Variants in ARHGAP26 observed in about 807,000 individuals in gnomAD.
The protein encoded by ARHGAP26 is rho GTPase-activating protein 26.
Under a neutral mutation model 104.8 loss-of-function variants are expected in ARHGAP26, and 38 were observed. That is an observed-to-expected ratio of 0.36 (90% CI 0.28 to 0.48). The LOEUF is 0.48. Among genes scored for constraint, ARHGAP26 ranks in the 20% least tolerant of loss-of-function variants. ARHGAP26 has a pLI of 0.99. For synonymous variants in ARHGAP26, 341 were observed against 340.0 expected (o/e 1.00, Z -0.03); for missense variants, 704 against 947.9 (o/e 0.74, Z 3.38).
At chr5:142,951,019 C>G (rs1006265514) in intron 11 of ARHGAP26, among the ~76,000 whole-genome samples, 9 of 145,770 alleles carry the variant, frequency 6.2e-5, no homozygotes, top group Non-Finnish European at 1.2e-4. Flanking sequence ...TTCCCTTTCC[C>G]TTTCTCTTTC....
At chr5:142,795,023 A>G (rs546991628) in intron 1 of ARHGAP26, among the ~76,000 whole-genome samples, 47 of 151,496 alleles carry the variant, frequency 3.1e-4, no homozygotes, top group Admixed American at 7.9e-4. Context: ...TGCGCCACAT[A>G]GTGTCTCTGT....
chr5:142,890,681 G>A (rs2152422625), intron 5 of ARHGAP26, among the ~76,000 whole-genome samples: 1 of 152,228 alleles, frequency 6.6e-6, no homozygotes, highest in Non-Finnish European at 1.5e-5. Flanking sequence ...GGTAGAGCAG[G>A]AAGTGAGACC....
chr5:143,115,258 A>G (rs954549393), intron 17 of ARHGAP26, among the ~76,000 whole-genome samples: 3 of 151,898 alleles, frequency 2.0e-5, no homozygotes, highest in African/African-American at 7.3e-5. Context: ...GCTTGAACCC[A>G]GGAGGCGGAG....
At chr5:143,092,543 T>TCC (rs59464424) in intron 17 of ARHGAP26, among the ~76,000 whole-genome samples, 8 of 148,898 alleles carry the variant, frequency 5.4e-5, no homozygotes, top group Middle Eastern at 3.2e-3. Context: ...ACATAAATTC[T>TCC]CCCCCCCCCA....
At chr5:143,219,431 C>T (rs992594404) in intron 22 of ARHGAP26, among the ~76,000 whole-genome samples, 7 of 152,108 alleles carry the variant, frequency 4.6e-5, no homozygotes, top group Non-Finnish European at 7.3e-5. Context: ...CAAACCAAAA[C>T]GCACTGAAAA....
intron 11 of ARHGAP26, among the ~76,000 whole-genome samples, chr5:142,965,868 G>A (rs888273564): frequency 6.6e-6 from 1 of 152,172 alleles, no homozygotes; most frequent in Admixed American, 6.5e-5. Context: ...TGTACTGGGA[G>A]TAGAGGGGAG....
chr5:143,215,395 T>C lies in ARHGAP26; in HGVS notation c.2191+1307T>C, dbSNP rs113055432. On this transcript the variant is annotated intron_variant, in intron 22 of 22. Coordinates refer to ENST00000645722, the MANE Select transcript of ARHGAP26 (RefSeq NM_001135608.3). ...AATTGTTTTAAACTATCAAAAGTTA[T>C]GTATATGCTTCTGTCTTCTTTTTGA... Among the ~76,000 whole-genome samples the C allele has an allele frequency of 7.6e-3, 1,158 of 152,382 alleles. 17 individuals are homozygous for C. The highest frequency in any genetic ancestry group is 0.026 in the African/African-American group (1,088 of 41,584).
intron 18 of ARHGAP26, among the ~76,000 whole-genome samples, chr5:143,126,563 T>G (rs567577845): frequency 6.6e-6 from 1 of 152,312 alleles, no homozygotes; most frequent in African/African-American, 2.4e-5. Context: ...TGTTCTAAAC[T>G]TGCAGCTCAG....
At chr5:142,908,390 G>C (rs1025686704) in intron 9 of ARHGAP26, among the ~76,000 whole-genome samples, 1 of 152,186 alleles carries the variant, frequency 6.6e-6, no homozygotes, top group Non-Finnish European at 1.5e-5. Context: ...GCTCAAGCTG[G>C]CCAGATACAG....
chr5:142,973,561 A>G (rs910109568), intron 11 of ARHGAP26, among the ~76,000 whole-genome samples: 2 of 152,222 alleles, frequency 1.3e-5, no homozygotes, highest in African/African-American at 4.8e-5. Context: ...ATTTTACTCC[A>G]TGCACAAGTG....
At chr5:143,141,237 T>C (rs1429576467) in intron 19 of ARHGAP26, among the ~76,000 whole-genome samples, 1 of 152,232 alleles carries the variant, frequency 6.6e-6, no homozygotes, top group Non-Finnish European at 1.5e-5. Context: ...GGAAAAAAGT[T>C]CCAGCTAGAC....
chr5:142,972,630 A>G (rs772830267), intron 11 of ARHGAP26, among the ~76,000 whole-genome samples: 4 of 152,226 alleles, frequency 2.6e-5, no homozygotes, highest in Non-Finnish European at 4.4e-5. Context: ...CATAGTGATC[A>G]TCTCACAGTT....
intron 20 of ARHGAP26, chr5:143,170,682 T>G (rs1802652890): frequency 6.6e-6 from 1 of 152,196 alleles, no homozygotes. Flanking sequence ...GTACTCCACA[T>G]TTTGCACATG....
At chr5:142,978,911 G>A (rs1773521933) in intron 11 of ARHGAP26, among the ~76,000 whole-genome samples, 1 of 152,100 alleles carries the variant, frequency 6.6e-6, no homozygotes, top group Non-Finnish European at 1.5e-5. Flanking sequence ...AGGAATTAAA[G>A]CATTGCTGAT....
chr5:143,041,817 G>A lies in ARHGAP26; in HGVS notation c.1212G>A (p.Gly404=), dbSNP rs577183455. 5 of 1,607,300 alleles carry A rather than the reference G, an allele frequency of 3.1e-6. No individual in the cohort carries two copies. In the East Asian group the frequency reaches 1.1e-4, roughly 36 times the overall value. Residue 404 remains glycine (G), a splice_region_variant and synonymous_variant, in exon 14 of 23, where the codon GGG becomes GGA. Coordinates refer to ENST00000645722, the MANE Select transcript of ARHGAP26 (RefSeq NM_001135608.3). ...RKCIHAVETR[G]INEQGLYRIV... ...AATCATCACTGTTTCTTTCCTCAGG[G>A]ATCAACGAGCAAGGGCTGTATCGAA...
At chr5:142,869,307 C>T (rs568571991) in intron 1 of ARHGAP26, among the ~76,000 whole-genome samples, 46 of 151,150 alleles carry the variant, frequency 3.0e-4, no homozygotes, top group Non-Finnish European at 6.2e-4. Flanking sequence ...CCCGGGTTCA[C>T]GCGATTCTCC....
At chr5:143,025,039 T>G (rs1780849967) in intron 12 of ARHGAP26, among the ~76,000 whole-genome samples, 1 of 152,232 alleles carries the variant, frequency 6.6e-6, no homozygotes, top group Non-Finnish European at 1.5e-5. Context: ...CTTTGCTCAA[T>G]GGTGCCTGGT....
chr5:142,807,010 C>T (rs987690796), intron 1 of ARHGAP26, among the ~76,000 whole-genome samples: 8 of 152,154 alleles, frequency 5.3e-5, no homozygotes, highest in Non-Finnish European at 8.8e-5. Flanking sequence ...ATACTGTGCC[C>T]GTCCTCAAGG....
chr5:143,060,643 G>A (rs1786562918), intron 17 of ARHGAP26, among the ~76,000 whole-genome samples: 1 of 151,694 alleles, frequency 6.6e-6, no homozygotes, highest in Non-Finnish European at 1.5e-5. Context: ...TTTGGATCTT[G>A]GAATCTAGTA....
Sources: gnomAD v4.1 joint callset for allele counts (sites outside exome capture counted in the v4.1 genomes callset) on GRCh38, gnomAD v4.1.1 for gene constraint, MANE v1.5 for transcripts, NCBI Gene and HGNC (gene_info 2026-07-23, HGNC 2026-07-21) for gene names.